CHN2: variants seen among roughly 807,000 people sequenced by gnomAD.
The protein encoded by CHN2 is beta-chimaerin.
In CHN2, 35 loss-of-function variants were observed where a neutral mutation model predicts 56.3. That is an observed-to-expected ratio of 0.62 (90% confidence interval 0.47 to 0.82). CHN2 has a LOEUF of 0.82. Among genes scored for constraint, CHN2 ranks in the 40% least tolerant of loss-of-function variants. CHN2 has a pLI of 0.00. For missense variants in CHN2, 491 were observed against 580.5 expected (o/e 0.85, Z 1.58); for synonymous variants, 210 against 212.8 (o/e 0.99, Z 0.12).
intron 6 of CHN2, among the ~76,000 whole-genome samples, chr7:29,435,498 A>G (rs1201918598): frequency 6.6e-6 from 1 of 152,238 alleles, no homozygotes; most frequent in African/African-American, 2.4e-5. Context: ...CCTTGGCTGT[A>G]TGGTGTGGCC....
At chr7:29,330,266 C>T (rs534302483) in intron 1 of CHN2, among the ~76,000 whole-genome samples, 3 of 152,136 alleles carry the variant, frequency 2.0e-5, no homozygotes, top group East Asian at 1.9e-4. Flanking sequence ...CATAGTGGTT[C>T]GTAGTAAAGT....
chr7:29,264,149 T>A (rs1157003789), intron 1 of CHN2, among the ~76,000 whole-genome samples: 1 of 144,564 alleles, frequency 6.9e-6, no homozygotes, highest in African/African-American at 2.5e-5. Flanking sequence ...CCACCCCGTC[T>A]GGGAGGTGGG....
intron 1 of CHN2, among the ~76,000 whole-genome samples, chr7:29,287,918 T>C (rs1298017544): frequency 2.0e-5 from 3 of 152,226 alleles, no homozygotes; most frequent in Non-Finnish European, 4.4e-5. Flanking sequence ...TGCAATTTGG[T>C]CTTCAGCATG....
chr7:29,327,873 C>T (rs766134916), intron 1 of CHN2, among the ~76,000 whole-genome samples: 4 of 152,000 alleles, frequency 2.6e-5, no homozygotes, highest in East Asian at 1.9e-4. Flanking sequence ...ATTTTGTAGC[C>T]GGAATGTTGT....
In CHN2 at chr7:29,458,417, A is replaced by ACACC. The variant is rs1554297010; in HGVS notation, c.577-21861_577-21860insACCC. 1.2e-4 allele frequency among the ~76,000 whole-genome samples: 16 copies of ACACC among 138,784 alleles called. No homozygotes were observed. In the East Asian group the frequency reaches 3.1e-3, roughly 27 times the overall value. 91.0% of individuals were successfully genotyped at this position (138,784 alleles called of 152,430 possible). On this transcript the variant is annotated intron_variant, in intron 6 of 12. Transcript: ENST00000222792. ...CACACACACACACACACACACACAC[A>ACACC]CCCCATGCATTACAAATAGATGTAG...
At chr7:29,411,966 C>A (rs1803258721) in intron 6 of CHN2, among the ~76,000 whole-genome samples, 1 of 152,176 alleles carries the variant, frequency 6.6e-6, no homozygotes, top group Non-Finnish European at 1.5e-5. Context: ...AACTGGAACC[C>A]ACCTGTCAGC....
At chr7:29,316,749 A>T (rs1443058534) in intron 1 of CHN2, among the ~76,000 whole-genome samples, 1 of 152,016 alleles carries the variant, frequency 6.6e-6, no homozygotes, top group Middle Eastern at 3.4e-3. Flanking sequence ...TGTTGGGATT[A>T]TACTTCTAAT....
At chr7:29,461,375 T>G (rs1785152125) in intron 6 of CHN2, among the ~76,000 whole-genome samples, 1 of 152,124 alleles carries the variant, frequency 6.6e-6, no homozygotes, top group Admixed American at 6.6e-5. Flanking sequence ...CAAAGAAGGA[T>G]GATATCAGAT....
chr7:29,392,552 G>A (rs1390493880), intron 3 of CHN2, among the ~76,000 whole-genome samples: 1 of 152,204 alleles, frequency 6.6e-6, no homozygotes, highest in African/African-American at 2.4e-5. Flanking sequence ...GTGTCTAGAT[G>A]ATAAGTTTTG....
intron 1 of CHN2, among the ~76,000 whole-genome samples, chr7:29,247,891 T>A (rs746279989): frequency 1.1e-4 from 17 of 152,368 alleles, no homozygotes; most frequent in African/African-American, 4.1e-4. Flanking sequence ...ATACTGTTTT[T>A]GATTTTAGTT....
rs562354116 is a variant in CHN2 at position 29,334,083 on chromosome 7, C to T, written c.50-20542C>T. Among the ~76,000 whole-genome samples the T allele has an allele frequency of 1.8e-3, 259 of 147,594 alleles. 1 individual carries two copies. The highest frequency in any genetic ancestry group is 6.0e-3 in the African/African-American group (239 of 39,662). ...TTTTTTTTTTTTGAGACTGAGTCTCCCTCCATTGCCCAGGCTGGAGTGCAG... is the reference window on the plus strand; with the variant it reads ...TTTTTTTTTTTTGAGACTGAGTCTCTCTCCATTGCCCAGGCTGGAGTGCAG... On this transcript the variant is annotated intron_variant, in intron 1 of 12. Coordinates refer to ENST00000222792, the MANE Select transcript of CHN2 (RefSeq NM_004067.4).
chr7:29,433,959 A>G (rs1187824580), intron 6 of CHN2, among the ~76,000 whole-genome samples: 1 of 152,126 alleles, frequency 6.6e-6, no homozygotes, highest in African/African-American at 2.4e-5. Context: ...TCTATCTTAC[A>G]GTTCTCTGTT....
At chr7:29,284,063 G>A (rs910405309) in intron 1 of CHN2, among the ~76,000 whole-genome samples, 2 of 148,288 alleles carry the variant, frequency 1.3e-5, no homozygotes, top group African/African-American at 2.5e-5. Flanking sequence ...ACAGACATGC[G>A]TCACCACGCC....
At chr7:29,366,674 A>G (rs1799188362) in intron 2 of CHN2, among the ~76,000 whole-genome samples, 1 of 152,190 alleles carries the variant, frequency 6.6e-6, no homozygotes. Flanking sequence ...TTTTCCTTTC[A>G]CAGATGACTA....
intron 7 of CHN2, chr7:29,483,860 C>A: frequency 7.7e-7 from 1 of 1,300,004 alleles, no homozygotes; most frequent in Non-Finnish European, 1.0e-6. Context: ...CCTGGCCACA[C>A]CATGTTCTTC....
intron 1 of CHN2, among the ~76,000 whole-genome samples, chr7:29,249,445 G>A (rs1359768274): frequency 6.6e-6 from 1 of 152,188 alleles, no homozygotes; most frequent in African/African-American, 2.4e-5. Context: ...CTGCCCACAT[G>A]GAGGGCCGAT....
chr7:29,286,048 C>A (rs1453421058), intron 1 of CHN2, among the ~76,000 whole-genome samples: 1 of 152,164 alleles, frequency 6.6e-6, no homozygotes, highest in African/African-American at 2.4e-5. Flanking sequence ...AAGTCCATTT[C>A]TCTGCCTTCC....
At chr7:29,208,644 G>A (rs1784701484) in intron 1 of CHN2, among the ~76,000 whole-genome samples, 1 of 152,152 alleles carries the variant, frequency 6.6e-6, no homozygotes, top group Non-Finnish European at 1.5e-5. Context: ...AAGACTCACT[G>A]TTCCTGGGAC....
intron 2 of CHN2, among the ~76,000 whole-genome samples, chr7:29,152,204 G>T (rs1243499082): frequency 6.6e-6 from 1 of 152,190 alleles, no homozygotes; most frequent in Non-Finnish European, 1.5e-5. Context: ...GGTATTTCTT[G>T]GTAGGAATGC....
Sources: allele counts gnomAD v4.1 joint callset (sites outside exome capture counted in the v4.1 genomes callset), GRCh38; gene constraint gnomAD v4.1.1; transcripts MANE v1.5; gene names NCBI Gene and HGNC (gene_info 2026-07-23, HGNC 2026-07-21).